Variants in FAM13A observed in about 807,000 individuals in gnomAD.
FAM13A encodes the protein protein FAM13A.
A neutral mutation model predicts 129.6 loss-of-function variants in FAM13A; 76 were observed. That is an observed-to-expected ratio of 0.59 (90% confidence interval 0.49 to 0.71). The LOEUF is 0.71. Among genes scored for constraint, FAM13A ranks in the 30% least tolerant of loss-of-function variants. The probability of loss-of-function intolerance (pLI) is 0.00; values close to 1 mark genes in which losing one functional copy is unlikely to be tolerated. For missense variants in FAM13A, 1,108 were observed against 1,249.3 expected (o/e 0.89, Z 1.70); for synonymous variants, 443 against 449.9 (o/e 0.98, Z 0.20).
At chr4:88,949,474 A>G (rs1471021370) in intron 4 of FAM13A, among the ~76,000 whole-genome samples, 2 of 152,206 alleles carry the variant, frequency 1.3e-5, no homozygotes, top group Non-Finnish European at 2.9e-5. Context: ...TATTATTGAA[A>G]GCAATCACTT....
chr4:88,832,332 G>C (rs1734032136), intron 7 of FAM13A, among the ~76,000 whole-genome samples: 1 of 152,176 alleles, frequency 6.6e-6, no homozygotes, highest in South Asian at 2.1e-4. Context: ...CATGGGCGAA[G>C]ATTTCATGAT....
At chr4:88,885,300 G>T (rs979167854) in intron 6 of FAM13A, among the ~76,000 whole-genome samples, 2 of 152,060 alleles carry the variant, frequency 1.3e-5, no homozygotes, top group Non-Finnish European at 2.9e-5. Flanking sequence ...CATAGTAGTG[G>T]TATAAAAATA....
rs372769414 is a variant in FAM13A, at chr4:88,851,467, C to G, written c.844-284G>C. On this transcript the variant is annotated intron_variant, in intron 6 of 23. Transcript: ENST00000264344. ...GGCAGAAATCTTCCCCAGGCCCACC[C>G]CTCCTTAGAATAATCATTCTATGTA... Among the ~76,000 whole-genome samples the G allele has an allele frequency of 1.3e-4, 19 of 151,716 alleles. No individual in the cohort carries two copies. In the East Asian group the frequency reaches 1.4e-3, roughly 11 times the overall value.
intron 1 of FAM13A, among the ~76,000 whole-genome samples, chr4:89,036,645 T>C (rs530078220): frequency 6.6e-6 from 1 of 152,280 alleles, no homozygotes; most frequent in Admixed American, 6.5e-5. Flanking sequence ...GGGGAAAATG[T>C]CTCAAAGGCA....
chr4:88,856,758 T>A (rs559293620), intron 6 of FAM13A, among the ~76,000 whole-genome samples: 2 of 152,324 alleles, frequency 1.3e-5, no homozygotes, highest in African/African-American at 4.8e-5. Context: ...TTTTCTCTCC[T>A]CCACCTGTCA....
At chr4:88,819,851 C>G (rs1386161435) in intron 7 of FAM13A, among the ~76,000 whole-genome samples, 1 of 152,012 alleles carries the variant, frequency 6.6e-6, no homozygotes, top group African/African-American at 2.4e-5. Context: ...GTTTAATTAT[C>G]TCAATAGAGA....
At chr4:88,826,747 T>C (rs1377023802) in intron 7 of FAM13A, among the ~76,000 whole-genome samples, 1 of 152,194 alleles carries the variant, frequency 6.6e-6, no homozygotes, top group Non-Finnish European at 1.5e-5. Context: ...GCCTCACTCT[T>C]TATGACGTCC....
chr4:88,768,095 T>A (rs779033321), intron 11 of FAM13A, 36 bp from the exon 12 acceptor site: 2 of 1,260,710 alleles, frequency 1.6e-6, no homozygotes, highest in Non-Finnish European at 2.3e-6. Flanking sequence ...CTAATAGGAA[T>A]GGTAAGAAAT....
chr4:88,883,754 T>C (rs1413038139), intron 6 of FAM13A, among the ~76,000 whole-genome samples: 1 of 152,062 alleles, frequency 6.6e-6, no homozygotes, highest in African/African-American at 2.4e-5. Context: ...ATAAAATTGA[T>C]AGACCATTAG....
At chr4:89,029,995 C>T (rs796268877) in intron 1 of FAM13A, 24 of 184,698 alleles carry the variant, frequency 1.3e-4, no homozygotes, top group African/African-American at 4.0e-4. Context: ...AACAGTGAAA[C>T]GCCAGGCAGA....
In FAM13A at chr4:88,766,908, G is replaced by T. The variant is rs141552057; in HGVS notation, c.1578+645C>A. On this transcript the variant is annotated intron_variant, in intron 13 of 23. Coordinates refer to ENST00000264344, the MANE Select transcript of FAM13A (RefSeq NM_014883.4). ...GAGTTGGAAGTATTTGGAGGTAGCA[G>T]ATTGCATACACATACATGAATTAAA... 2.3e-3 allele frequency among the ~76,000 whole-genome samples: 352 copies of T among 152,298 alleles called. 3 individuals are homozygous for T. The highest frequency in any genetic ancestry group is 7.0e-3 in the South Asian group (34 of 4,828).
At chr4:88,822,894 A>C (rs992781372) in intron 7 of FAM13A, 1 of 1,566,346 alleles carries the variant, frequency 6.4e-7, no homozygotes, top group Non-Finnish European at 8.6e-7. Context: ...TTACTAAAAG[A>C]TGCCAAGTAC....
chr4:88,902,679 T>C (rs537385419), intron 6 of FAM13A, among the ~76,000 whole-genome samples: 16 of 152,294 alleles, frequency 1.1e-4, no homozygotes, highest in Admixed American at 5.9e-4. Context: ...GCTGGAAGCA[T>C]TCCCGTTGAA....
rs76114710 is a variant in FAM13A, at chr4:88,851,345, A to G, written c.844-162T>C. ...AAAAATTAAATTTAAACTACATATA[A>G]AAATGATATAGCAAAGGGCACAGGG... On this transcript the variant is annotated intron_variant, in intron 6 of 23. Coordinates refer to ENST00000264344, the MANE Select transcript of FAM13A (RefSeq NM_014883.4). Among the ~76,000 whole-genome samples the G allele has an allele frequency of 8.5e-4, 130 of 152,310 alleles. 2 individuals are homozygous for G. The East Asian group carries it at 0.024, about 29-fold the overall frequency.
chr4:88,923,218 G>C (rs1280368564), intron 5 of FAM13A, among the ~76,000 whole-genome samples: 1 of 152,170 alleles, frequency 6.6e-6, no homozygotes, highest in Non-Finnish European at 1.5e-5. Context: ...GCATCATCCT[G>C]ATACCAAAGC....
intron 5 of FAM13A, among the ~76,000 whole-genome samples, chr4:88,929,894 T>C (rs1487775641): frequency 6.6e-6 from 1 of 152,128 alleles, no homozygotes; most frequent in Non-Finnish European, 1.5e-5. Context: ...TGTACCACCA[T>C]GCCCAGCTAG....
At chr4:89,035,620 C>T (rs1489750084) in intron 1 of FAM13A, among the ~76,000 whole-genome samples, 1 of 152,102 alleles carries the variant, frequency 6.6e-6, no homozygotes, top group East Asian at 1.9e-4. Flanking sequence ...ATTGTAATCT[C>T]CAATGTTAGA....
intron 1 of FAM13A, among the ~76,000 whole-genome samples, chr4:89,053,761 A>T (rs1771886738): frequency 6.6e-6 from 1 of 151,578 alleles, no homozygotes; most frequent in Non-Finnish European, 1.5e-5. Context: ...AATTCACCAG[A>T]AATCATAATA....
intron 3 of FAM13A, among the ~76,000 whole-genome samples, chr4:88,993,726 C>T (rs953727865): frequency 2.0e-5 from 3 of 152,156 alleles, no homozygotes; most frequent in East Asian, 1.9e-4. Context: ...GGCGGCTGGG[C>T]GCGGCAGCTC....
Sources: gnomAD v4.1 joint callset for allele counts (sites outside exome capture counted in the v4.1 genomes callset) on GRCh38, gnomAD v4.1.1 for gene constraint, MANE v1.5 for transcripts, NCBI Gene and HGNC (gene_info 2026-07-23, HGNC 2026-07-21) for gene names.